MACO1: variants seen among roughly 807,000 people sequenced by gnomAD.
MACO1 encodes the protein macoilin.
In MACO1, 14 loss-of-function variants were observed where a neutral mutation model predicts 78.7. The observed-to-expected ratio is 0.18, with a 90% CI of 0.12 to 0.28. The LOEUF is 0.28. Among genes scored for constraint, MACO1 ranks in the 10% least tolerant of loss-of-function variants. MACO1 has a pLI of 1.00. For missense variants in MACO1, 501 were observed against 799.0 expected (o/e 0.63, Z 4.50); for synonymous variants, 288 against 291.6 (o/e 0.99, Z 0.12).
chr1:25,440,995 C>G (rs1479646819), intron 1 of MACO1, among the ~76,000 whole-genome samples: 1 of 152,116 alleles, frequency 6.6e-6, no homozygotes, highest in Non-Finnish European at 1.5e-5. Context: ...ACATTCAGAA[C>G]AGATGGGAGC....
In MACO1 at chr1:25,500,129, C is replaced by T. The variant is rs2043573644; in HGVS notation, c.*1663C>T. 6.6e-6 allele frequency: 1 copy of T among 151,264 alleles called. No individual in the cohort carries two copies. The highest frequency in any genetic ancestry group is 2.1e-4 in the South Asian group (1 of 4,818). 9.4% of individuals were successfully genotyped at this position (151,264 alleles called of 1,614,324 possible). A position where few individuals can be genotyped will look rare whatever the true frequency, so the allele number is the denominator to read the frequency against. Reference sequence around the variant, plus strand: ...CATTTTGCTGCCTTTTGGGACACTTCGTTAAATACTGGTCTTGGCTGCATT... The same window carrying T: ...CATTTTGCTGCCTTTTGGGACACTTTGTTAAATACTGGTCTTGGCTGCATT... On this transcript the variant is annotated 3_prime_UTR_variant, in exon 11 of 11. Coordinates refer to ENST00000374343, the MANE Select transcript of MACO1 (RefSeq NM_018202.6).
At chr1:25,444,284 A>T (rs961219983) in intron 1 of MACO1, among the ~76,000 whole-genome samples, 15 of 151,456 alleles carry the variant, frequency 9.9e-5, no homozygotes, top group African/African-American at 3.4e-4. Flanking sequence ...ATAAATAAAG[A>T]GATGGGGGTC....
intron 6 of MACO1, among the ~76,000 whole-genome samples, chr1:25,480,935 T>A (rs796922748): frequency 0.055 from 1,509 of 27,310 alleles, 86 homozygotes; most frequent in African/African-American, 0.093. Context: ...AAAAAATATA[T>A]ATATATATAT....
At chr1:25,455,657 T>G (rs1320239363) in intron 4 of MACO1, among the ~76,000 whole-genome samples, 1 of 152,170 alleles carries the variant, frequency 6.6e-6, no homozygotes, top group East Asian at 1.9e-4. Flanking sequence ...TCCCAGAGAT[T>G]AGAGTTCTAA....
intron 3 of MACO1, among the ~76,000 whole-genome samples, chr1:25,451,871 T>C (rs1211678174): frequency 6.6e-6 from 1 of 150,788 alleles, no homozygotes; most frequent in African/African-American, 2.4e-5. Flanking sequence ...GCACCTGTAC[T>C]TCACTGCACT....
chr1:25,478,099 G>A (rs1312265353), intron 6 of MACO1, among the ~76,000 whole-genome samples: 1 of 152,016 alleles, frequency 6.6e-6, no homozygotes, highest in Non-Finnish European at 1.5e-5. Flanking sequence ...ACAAACATTA[G>A]CCAGGCATGG....
intron 1 of MACO1, among the ~76,000 whole-genome samples, chr1:25,438,094 T>C (rs748148017): frequency 2.6e-5 from 4 of 152,182 alleles, no homozygotes; most frequent in Non-Finnish European, 5.9e-5. Context: ...AAGGTCTGTA[T>C]AGACCACAGA....
chr1:25,465,693 T>G (rs1025613517), intron 6 of MACO1, among the ~76,000 whole-genome samples: 1 of 152,206 alleles, frequency 6.6e-6, no homozygotes, highest in Non-Finnish European at 1.5e-5. Flanking sequence ...TGTGTATTGG[T>G]CAAGTCAGGG....
intron 6 of MACO1, among the ~76,000 whole-genome samples, chr1:25,480,925 AAAAAATATATATATATATAT>A (rs2043367223): frequency 3.1e-5 from 1 of 32,118 alleles, no homozygotes; most frequent in South Asian, 2.1e-3. Flanking sequence ...AAAAAAAAAA[AAAAAATATATATATATATAT>A]ATATATATAT....
At position 25,485,634 on chromosome 1, in the gene MACO1, G is replaced by A. The variant is rs775830406; in HGVS notation, c.1335G>A (p.Met445Ile). The A allele has an allele frequency of 1.9e-6, 3 of 1,613,828 alleles. No individual in the cohort carries two copies. Among genetic ancestry groups the A allele is most frequent in the Non-Finnish European group, 1.7e-6 (2 of 1,179,956 alleles). Reference sequence around the variant, plus strand: ...ATAGGTTACATAATGCTGTGCAAATGAAGCAAAAAGACAAGCAGAATATCA... The same window carrying A: ...ATAGGTTACATAATGCTGTGCAAATAAAGCAAAAAGACAAGCAGAATATCA... ...LQNKLHNAVQ[M>I]KQKDKQNISQ... The change falls in exon 8 of 11, where the codon ATG (methionine) becomes ATA (isoleucine). Residue 445 changes from methionine to isoleucine, a missense_variant. Met to Ile is a conservative substitution (Grantham distance 10, BLOSUM62 1). This residue lies in a region of MACO1 where 163 missense variants were observed against 271.9 expected (regional missense o/e 0.60). Transcript: ENST00000374343. This position sits in a 1 kb window ranked among gnomAD's most constrained non-coding sequence, Gnocchi z 4.3.
chr1:25,464,413 C>T (rs1333374798), intron 6 of MACO1, among the ~76,000 whole-genome samples: 5 of 131,200 alleles, frequency 3.8e-5, no homozygotes, highest in South Asian at 2.5e-4. Flanking sequence ...GGTGTGATCT[C>T]GGCTCACTGC....
chr1:25,495,054 C>T (rs1346064306), intron 10 of MACO1, among the ~76,000 whole-genome samples: 2 of 152,172 alleles, frequency 1.3e-5, no homozygotes, highest in African/African-American at 4.8e-5. Flanking sequence ...AAGAAGGTTC[C>T]CAGGAATCCT....
chr1:25,465,774 G>A lies in MACO1; in HGVS notation c.1154+6882G>A, dbSNP rs531682567. On this transcript the variant is annotated intron_variant, in intron 6 of 10. Transcript: ENST00000374343. Reference sequence around the variant, plus strand: ...TTATCGACCCTCCTTCTACCCCCTCGTCTTTCCGAGTCTGCATTGTCTATC... The same window carrying A: ...TTATCGACCCTCCTTCTACCCCCTCATCTTTCCGAGTCTGCATTGTCTATC... Among the ~76,000 whole-genome samples, 19 of 152,092 alleles carry A rather than the reference G, an allele frequency of 1.2e-4. No individual in the cohort carries two copies. In the East Asian group the frequency reaches 2.1e-3, roughly 17 times the overall value.
Position 25,458,804 on chromosome 1 carries a change from T to G in MACO1, c.1066T>G (p.Cys356Gly), listed in dbSNP as rs1044314320. The G allele has an allele frequency of 5.6e-6, 9 of 1,614,072 alleles. No homozygotes were observed. Among genetic ancestry groups the G allele is most frequent in the Non-Finnish European group, 7.6e-6 (9 of 1,180,020 alleles). The change falls in exon 6 of 11, where the codon TGC becomes GGC. Residue 356 changes from cysteine (C) to glycine (G), a missense_variant. Around this residue, in one of 5 missense-constraint regions of MACO1, gnomAD observed 163 missense variants for 271.9 expected, o/e 0.60. Transcript: ENST00000374343. ...SSSKNEKKQK[C>G]TSKSPSTHKD... ...TAGTAAAAATGAGAAGAAGCAGAAA[T>G]GCACTAGCAAGAGCCCAAGTACACA... is the stretch of plus-strand genomic sequence containing the variant.
intron 7 of MACO1, among the ~76,000 whole-genome samples, chr1:25,484,517 C>T (rs896519987): frequency 1.3e-5 from 2 of 152,178 alleles, no homozygotes; most frequent in Non-Finnish European, 2.9e-5. Flanking sequence ...CATTTAATAA[C>T]TTCTTAGTTT....
At chr1:25,497,167 G>A (rs1178196478) in intron 10 of MACO1, among the ~76,000 whole-genome samples, 2 of 152,082 alleles carry the variant, frequency 1.3e-5, no homozygotes, top group African/African-American at 4.8e-5. Context: ...GATCACCTGA[G>A]GTTGGGAGTT....
chr1:25,483,998 C>G, intron 6 of MACO1, 118 bp from the exon 7 acceptor site: 2 of 1,021,816 alleles, frequency 2.0e-6, no homozygotes, highest in Admixed American at 6.1e-5. Context: ...ATGGCAGGAA[C>G]TGCCAGCGGG....
At chr1:25,472,520 C>T (rs769686989) in intron 6 of MACO1, among the ~76,000 whole-genome samples, 7 of 152,158 alleles carry the variant, frequency 4.6e-5, no homozygotes, top group Non-Finnish European at 1.0e-4. Flanking sequence ...CAGCTTCATC[C>T]ATGTTTCTGT....
chr1:25,461,250 C>T (rs899182588), intron 6 of MACO1, among the ~76,000 whole-genome samples: 40 of 151,750 alleles, frequency 2.6e-4, no homozygotes, highest in African/African-American at 8.5e-4. Context: ...TTAGGAGATA[C>T]ACCTAATACT....
Sources: allele counts gnomAD v4.1 joint callset (sites outside exome capture counted in the v4.1 genomes callset), GRCh38; gene constraint gnomAD v4.1.1; regional missense constraint gnomAD v4.1.1; non-coding constraint Gnocchi (gnomAD v3.1); transcripts MANE v1.5; gene names NCBI Gene and HGNC (gene_info 2026-07-23, HGNC 2026-07-21).